Variants in POLE2 observed in about 807,000 individuals in gnomAD.
POLE2 encodes DNA polymerase epsilon subunit 2.
In POLE2, 56 loss-of-function variants were observed where a neutral mutation model predicts 79.4. The ratio of observed to expected loss-of-function variants is 0.71; its 90% CI spans 0.57 to 0.88. The LOEUF (loss-of-function observed/expected upper bound fraction) is 0.88, where lower values mean the gene tolerates loss of function less well. POLE2 is among the 40% of genes least tolerant of loss of function. POLE2 has a pLI of 0.00. For synonymous variants in POLE2, 212 were observed against 214.0 expected (o/e 0.99, Z 0.08); for missense variants, 598 against 638.9 (o/e 0.94, Z 0.69).
Position 49,655,815 on chromosome 14 carries a change from C to CA in POLE2, c.783dup (p.Gly262TrpfsTer5). ...TTCACAGATGTATTAGAAGGACCTC[C>CA]AAAAAAATTAATATTTCCATAGTAT... On this transcript the variant is annotated frameshift_variant, in exon 11 of 19. Coordinates refer to ENST00000216367, the MANE Select transcript of POLE2 (RefSeq NM_002692.4). LOFTEE classifies it high-confidence loss of function. 3.2e-6 allele frequency: 5 copies of CA among 1,560,812 alleles called. No individual in the cohort carries two copies. The highest frequency in any genetic ancestry group is 3.5e-6 in the Non-Finnish European group (4 of 1,140,904).
At chr14:49,685,382 G>C (rs1207768455) in intron 1 of POLE2, among the ~76,000 whole-genome samples, 11 of 152,072 alleles carry the variant, frequency 7.2e-5, no homozygotes, top group Admixed American at 4.6e-4. Flanking sequence ...ACTTGAAGGT[G>C]GTCCATAAAT....
chr14:49,688,096 C>G (rs1887294519), intron 1 of POLE2, 40 bp downstream of exon 1: 1 of 1,488,696 alleles, frequency 6.7e-7, no homozygotes, highest in Non-Finnish European at 9.1e-7. Flanking sequence ...CGGGCCCCAG[C>G]TCTTCCCTCT....
intron 6 of POLE2, among the ~76,000 whole-genome samples, chr14:49,667,754 C>A (rs1390646955): frequency 6.6e-6 from 1 of 152,052 alleles, no homozygotes; most frequent in Admixed American, 6.6e-5. Context: ...TCTAGAAACA[C>A]AATTGCTAGA....
Position 49,655,023 on chromosome 14 carries a change from G to T in POLE2, c.1000C>A (p.Gln334Lys). The T allele has an allele frequency of 6.3e-7, 1 of 1,575,062 alleles. No homozygotes were observed. Among genetic ancestry groups the T allele is most frequent in the South Asian group, 1.2e-5 (1 of 84,320 alleles). ...NFSSAPYGKN[Q>K]VQALKDSLKT... ...TTAATACCTTTCAAAGCTTGAACTTGATTTTTTCCATATGGTGCAGATGAA... is the reference window on the plus strand; with the variant it reads ...TTAATACCTTTCAAAGCTTGAACTTTATTTTTTCCATATGGTGCAGATGAA... The change falls in exon 12 of 19, where the codon CAA becomes AAA. Residue 334 changes from glutamine to lysine, a missense_variant. Transcript: ENST00000216367.
chr14:49,662,625 G>A (rs1885173040), intron 10 of POLE2, among the ~76,000 whole-genome samples: 2 of 152,254 alleles, frequency 1.3e-5, no homozygotes, highest in East Asian at 1.9e-4. Context: ...TTTGCTGTGT[G>A]AGAATTCAGG....
rs1431083010 is a variant in POLE2 at position 49,655,370 on chromosome 14, GT to G, written c.929-277del. Among the ~76,000 whole-genome samples the G allele has an allele frequency of 4.6e-5, 7 of 151,376 alleles. No homozygotes were observed. In the East Asian group the frequency reaches 1.4e-3, roughly 29 times the overall value. On this transcript the variant is annotated intron_variant, in intron 11 of 18. Coordinates refer to ENST00000216367, the MANE Select transcript of POLE2 (RefSeq NM_002692.4). ...ATAGGCTTGCACTTAAACCCAGTTT[GT>G]TTTTGTTTTTGTTTAGAGATGGGGT...
intron 3 of POLE2, among the ~76,000 whole-genome samples, chr14:49,676,282 T>C (rs1232051197): frequency 1.3e-5 from 2 of 152,196 alleles, no homozygotes; most frequent in East Asian, 3.8e-4. Context: ...CCTAAAAATC[T>C]TTCCTAAAAT....
In POLE2 at chr14:49,646,314, T is replaced by G. The variant is rs1330890035; in HGVS notation, c.1565+979A>C. Reference sequence around the variant, plus strand: ...TGTTTTTTTGTTGGTTTTTTTTTTTTTTTTTTTTTTTTTTTTTTTTTGAGA... The same window carrying G: ...TGTTTTTTTGTTGGTTTTTTTTTTTGTTTTTTTTTTTTTTTTTTTTTGAGA... On this transcript the variant is annotated intron_variant, in intron 18 of 18. Coordinates refer to ENST00000216367, the MANE Select transcript of POLE2 (RefSeq NM_002692.4). Among the ~76,000 whole-genome samples, 85 of 66,966 alleles carry G rather than the reference T, an allele frequency of 1.3e-3. 1 individual carries two copies. Among genetic ancestry groups the G allele is most frequent in the Non-Finnish European group, 3.3e-3 (77 of 23,486 alleles). 43.9% of individuals were successfully genotyped at this position (66,966 alleles called of 152,430 possible). A position where few individuals can be genotyped will look rare whatever the true frequency, so the allele number is the denominator to read the frequency against.
chr14:49,686,702 A>G (rs1887164372), intron 1 of POLE2, among the ~76,000 whole-genome samples: 1 of 152,234 alleles, frequency 6.6e-6, no homozygotes, highest in Admixed American at 6.5e-5. Context: ...GGTGCTTTGC[A>G]GCTAACAGAT....
In POLE2 at chr14:49,664,360, GA is replaced by G. The variant is rs369182497; in HGVS notation, c.682+265del. Among the ~76,000 whole-genome samples, 783 of 105,200 alleles carry G rather than the reference GA, an allele frequency of 7.4e-3. 1 individual carries two copies. Among genetic ancestry groups the G allele is most frequent in the African/African-American group, 0.015 (473 of 30,770 alleles). The allele number at this position is 105,200 out of a possible 152,430, so 69.0% of individuals were successfully genotyped here. ...TGAGACTCTGTCTCCAAAAAAAAAA[GA>G]AAAAAAAAAAAAAGGGTGTGTAATT... is the stretch of plus-strand genomic sequence containing the variant. On this transcript the variant is annotated intron_variant, in intron 9 of 18. Coordinates refer to ENST00000216367, the MANE Select transcript of POLE2 (RefSeq NM_002692.4).
intron 18 of POLE2, among the ~76,000 whole-genome samples, chr14:49,645,705 C>G (rs1374074522): frequency 6.6e-6 from 1 of 152,244 alleles, no homozygotes; most frequent in African/African-American, 2.4e-5. Context: ...ACTGCAACCT[C>G]TGACTCCCGA....
intron 1 of POLE2, among the ~76,000 whole-genome samples, chr14:49,687,325 C>A (rs1887226075): frequency 6.6e-6 from 1 of 150,898 alleles, no homozygotes; most frequent in Non-Finnish European, 1.5e-5. Flanking sequence ...CACACACACA[C>A]ACACACACAC....
At position 49,657,405 on chromosome 14, in the gene POLE2, T is replaced by C. The variant is rs111840883; in HGVS notation, c.756-1562A>G. Among the ~76,000 whole-genome samples the C allele has an allele frequency of 7.7e-3, 1,172 of 151,972 alleles. 5 individuals carry two copies. The highest frequency in any genetic ancestry group is 0.013 in the Non-Finnish European group (917 of 67,960). On this transcript the variant is annotated intron_variant, in intron 10 of 18. Coordinates refer to ENST00000216367, the MANE Select transcript of POLE2 (RefSeq NM_002692.4). ...AAAAGAAACTCTCCAGATATACACA[T>C]ACATATCTTGTTATAGTTGATTCCT...
intron 2 of POLE2, among the ~76,000 whole-genome samples, chr14:49,680,104 C>T (rs1300063334): frequency 6.6e-6 from 1 of 152,208 alleles, no homozygotes; most frequent in African/African-American, 2.4e-5. Context: ...AATCCTAACA[C>T]TTTGGGAGGC....
At chr14:49,684,606 G>C (rs1323632460) in intron 1 of POLE2, 1 of 147,920 alleles carries the variant, frequency 6.8e-6, no homozygotes, top group Non-Finnish European at 1.5e-5. Flanking sequence ...CCTCGGGCCT[G>C]ACAATACACA....
At chr14:49,664,555 A>G (rs371642027) in intron 9 of POLE2, 71 bp downstream of exon 9, 19 of 964,326 alleles carry the variant, frequency 2.0e-5, no homozygotes, top group East Asian at 4.8e-5. Flanking sequence ...TCATGTTAAC[A>G]TATTTTACCC....
chr14:49,685,998 T>TTA (rs1290836093), intron 1 of POLE2, among the ~76,000 whole-genome samples: 2 of 152,142 alleles, frequency 1.3e-5, no homozygotes, highest in Non-Finnish European at 2.9e-5. Flanking sequence ...CTAGGGCAGT[T>TTA]TATACACCTT....
intron 13 of POLE2, 81 bp downstream of exon 13, chr14:49,654,703 A>G: frequency 7.1e-7 from 1 of 1,413,052 alleles, no homozygotes. Context: ...TTTTGTAATA[A>G]TTGCTGATAT....
chr14:49,643,592 C>T lies in POLE2; in HGVS notation c.*60G>A, dbSNP rs1478199243. On this transcript the variant is annotated 3_prime_UTR_variant, in exon 19 of 19. Coordinates refer to ENST00000216367, the MANE Select transcript of POLE2 (RefSeq NM_002692.4). ...TAATTTTATTGTAATATCAGAATCA[C>T]ATAAGATATAGAGTTAAGCAGAAAA... 4 of 862,534 alleles carry T rather than the reference C, an allele frequency of 4.6e-6. No individual in the cohort carries two copies. The Admixed American group carries it at 9.9e-5, about 21-fold the overall frequency. 53.4% of individuals were successfully genotyped at this position (862,534 alleles called of 1,614,324 possible).
Sources: gnomAD v4.1 joint callset for allele counts (sites outside exome capture counted in the v4.1 genomes callset) on GRCh38, gnomAD v4.1.1 for gene constraint, MANE v1.5 for transcripts, NCBI Gene and HGNC (gene_info 2026-07-23, HGNC 2026-07-21) for gene names.